Variants in PLAUR observed in about 807,000 individuals in gnomAD.
PLAUR encodes urokinase plasminogen activator surface receptor.
A neutral mutation model predicts 33.4 loss-of-function variants in PLAUR; 22 were observed. The observed-to-expected ratio is 0.66, with a 90% CI of 0.47 to 0.94. PLAUR has a LOEUF of 0.94. Among genes scored for constraint, PLAUR ranks in the 40% least tolerant of loss-of-function variants. The pLI is 0.00. For synonymous variants in PLAUR, 148 were observed against 167.3 expected (o/e 0.88, Z 0.89); for missense variants, 408 against 434.7 (o/e 0.94, Z 0.55).
At chr19:43,651,943 C>A (rs1224766657) in intron 6 of PLAUR, 3 of 1,147,138 alleles carry the variant, frequency 2.6e-6, no homozygotes, top group East Asian at 5.0e-5. Context: ...GTCTCAAACT[C>A]CTGGCCTCAA....
chr19:43,659,994 A>G (rs1568559676), intron 3 of PLAUR, among the ~76,000 whole-genome samples: 1 of 152,142 alleles, frequency 6.6e-6, no homozygotes. Context: ...CTATAATCCA[A>G]TATCTGAGTT....
chr19:43,650,379 G>A (rs1281318107), intron 6 of PLAUR, among the ~76,000 whole-genome samples: 3 of 151,020 alleles, frequency 2.0e-5, no homozygotes, highest in Non-Finnish European at 4.4e-5. Context: ...AGGCCGCAGT[G>A]CAGTGGTGCA....
In PLAUR at chr19:43,652,426, C is replaced by T. The variant is rs540860684; in HGVS notation, c.608-55G>A. 12 of 1,563,154 alleles carry T rather than the reference C, an allele frequency of 7.7e-6. No homozygotes were observed. In the African/African-American group the frequency reaches 8.1e-5, roughly 11 times the overall value. Reference sequence around the variant, plus strand: ...AAGAAAATTAGTGCTTGGATCTCCACTTCCTTGAATGACCTCCCCAGGACT... The same window carrying T: ...AAGAAAATTAGTGCTTGGATCTCCATTTCCTTGAATGACCTCCCCAGGACT... On this transcript the variant is annotated intron_variant, in intron 5 of 6. Coordinates refer to ENST00000340093, the MANE Select transcript of PLAUR (RefSeq NM_002659.4).
rs768901702 is a variant in PLAUR at position 43,667,778 on chromosome 19, C to G, written c.56-87G>C. On this transcript the variant is annotated intron_variant, in intron 1 of 6. Coordinates refer to ENST00000340093, the MANE Select transcript of PLAUR (RefSeq NM_002659.4). ...ACCCCTGCATGTCCCAATACCAACACCAAGTCTCCAGGCCCCGTCCATTCA... is the reference window on the plus strand; with the variant it reads ...ACCCCTGCATGTCCCAATACCAACAGCAAGTCTCCAGGCCCCGTCCATTCA... The G allele has an allele frequency of 2.0e-6, 3 of 1,535,524 alleles. No individual in the cohort carries two copies. The African/African-American group carries it at 4.1e-5, about 21-fold the overall frequency.
intron 6 of PLAUR, 132 bp from the exon 7 acceptor site, chr19:43,649,275 C>CATTACAGAGGAGCGCCATCA: frequency 9.7e-7 from 1 of 1,028,420 alleles, no homozygotes. Context: ...GTTCTCAGGG[C>CATTACAGAGGAGCGCCATCA]CAGGTGTGGT....
intron 3 of PLAUR, chr19:43,660,358 A>G (rs1307613380): frequency 6.7e-6 from 1 of 149,568 alleles, no homozygotes; most frequent in Non-Finnish European, 1.5e-5. Flanking sequence ...TATCTTTAGT[A>G]GAGAAGGGGT....
In PLAUR at chr19:43,665,300, G is replaced by A. The variant is rs1600141664; in HGVS notation, c.310+16C>T. 6.2e-7 allele frequency: 1 copy of A among 1,613,428 alleles called. No homozygotes were observed. Among genetic ancestry groups the A allele is most frequent in the African/African-American group, 1.3e-5 (1 of 74,948 alleles). ...GATGGCTTGGGGTTGGGGATGGCAA[G>A]GGCTGCCCTACTCACCAGAGTTGCC... On this transcript the variant is annotated intron_variant, in intron 3 of 6. Coordinates refer to ENST00000340093, the MANE Select transcript of PLAUR (RefSeq NM_002659.4).
rs4251897 is a variant in PLAUR at position 43,654,079 on chromosome 19, G to A, written c.607+1360C>T. On this transcript the variant is annotated intron_variant, in intron 5 of 6. Transcript: ENST00000340093. ...GCGGAGCTTGCAGTGAGCCAAGATC[G>A]CGCCACTGCACTCCAGCCTGGGCAA... Among the ~76,000 whole-genome samples, 932 of 150,580 alleles carry A rather than the reference G, an allele frequency of 6.2e-3. 12 individuals are homozygous for A. The highest frequency in any genetic ancestry group is 0.021 in the African/African-American group (868 of 40,946).
chr19:43,669,951 G>A, intron 1 of PLAUR, 115 bp downstream of exon 1: 3 of 936,668 alleles, frequency 3.2e-6, no homozygotes, highest in Non-Finnish European at 4.9e-6. Flanking sequence ...ACTATTATTT[G>A]ATTAGGGAGG....
rs551256106 is a variant in PLAUR, at chr19:43,656,790, G to C, written c.311-150C>G. The C allele has an allele frequency of 3.7e-5, 23 of 626,968 alleles. No individual in the cohort carries two copies. The African/African-American group carries it at 4.3e-4, about 12-fold the overall frequency. 38.8% of individuals were successfully genotyped at this position (626,968 alleles called of 1,614,324 possible). ...CTATTCTGCCTGCTGAATCTTTCTA[G>C]AATCCACCCCCTCCTTTCCAGCCCC... is the stretch of plus-strand genomic sequence containing the variant. On this transcript the variant is annotated intron_variant, in intron 3 of 6. Transcript: ENST00000340093.
chr19:43,665,424 T>C lies in PLAUR; in HGVS notation c.202A>G (p.Thr68Ala). Residue 68 changes from threonine to alanine, a missense_variant, in exon 3 of 7, where the codon ACC becomes GCC. Coordinates refer to ENST00000340093, the MANE Select transcript of PLAUR (RefSeq NM_002659.4). ...EELELVEKSC[T>A]HSEKTNRTLS... ...GTCCTGTTGGTCTTCTCTGAGTGGG[T>C]ACAGCTTTTCTCCACCAGCTCCAGC... The C allele has an allele frequency of 6.2e-7, 1 of 1,613,328 alleles. No homozygotes were observed. Among genetic ancestry groups the C allele is most frequent in the African/African-American group, 1.3e-5 (1 of 74,758 alleles).
chr19:43,653,998 C>T (rs2146213761), intron 5 of PLAUR, among the ~76,000 whole-genome samples: 1 of 152,078 alleles, frequency 6.6e-6, no homozygotes, highest in Admixed American at 6.6e-5. Context: ...GTGGTGGGTG[C>T]CTGTAGTCCC....
intron 3 of PLAUR, among the ~76,000 whole-genome samples, chr19:43,659,597 A>C (rs1031647973): frequency 1.3e-5 from 2 of 152,100 alleles, no homozygotes; most frequent in African/African-American, 2.4e-5. Context: ...CAGACACGCA[A>C]CTGTCTCTTC....
intron 6 of PLAUR, among the ~76,000 whole-genome samples, chr19:43,650,255 C>T (rs899303700): frequency 6.6e-6 from 1 of 151,718 alleles, no homozygotes; most frequent in Admixed American, 6.6e-5. Flanking sequence ...GTGATCTGCC[C>T]GCCTTGGCCT....
In PLAUR at chr19:43,652,307, G is replaced by A; in HGVS notation, c.672C>T (p.Thr224=). The A allele has an allele frequency of 1.2e-6, 2 of 1,614,096 alleles. No individual in the cohort carries two copies. The highest frequency in any genetic ancestry group is 1.7e-6 in the Non-Finnish European group (2 of 1,179,974). The part of the protein sequence containing the change: ...RQCYSCKGNS[T]HGCSSEETFL... ...AAGTCTCTTCAGAGGAGCATCCATG[G>A]GTGCTGTTCCCCTTGCAGCTGTAAC... Residue 224 remains threonine, a synonymous_variant, in exon 6 of 7, where the codon ACC becomes ACT. Coordinates refer to ENST00000340093, the MANE Select transcript of PLAUR (RefSeq NM_002659.4).
At chr19:43,655,276 CAAAA>C (rs34689348) in intron 5 of PLAUR, among the ~76,000 whole-genome samples, 159 bp downstream of exon 5, 15 of 66,198 alleles carry the variant, frequency 2.3e-4, no homozygotes, top group Admixed American at 6.6e-4. Flanking sequence ...GACTCCGTCT[CAAAA>C]AAAAAAAAAA....
Position 43,667,575 on chromosome 19 carries a change from G to T in PLAUR, c.166+6C>A. On this transcript the variant is annotated splice_donor_region_variant and intron_variant, in intron 2 of 6. Coordinates refer to ENST00000340093, the MANE Select transcript of PLAUR (RefSeq NM_002659.4). Reference sequence around the variant, plus strand: ...GGAGGGGTGTGTGGGTTGGGGGGAAGCTCACCTTCCCACAAGCGCACGATC... The same window carrying T: ...GGAGGGGTGTGTGGGTTGGGGGGAATCTCACCTTCCCACAAGCGCACGATC... 11 of 1,602,520 alleles carry T rather than the reference G, an allele frequency of 6.9e-6. No individual in the cohort carries two copies. The highest frequency in any genetic ancestry group is 9.4e-6 in the Non-Finnish European group (11 of 1,169,672).
chr19:43,667,584 C>G lies in PLAUR; in HGVS notation c.163G>C (p.Glu55Gln). ...LCRTTIVRLW[E>Q]EGEELELVEK... ...TGTGGGTTGGGGGGAAGCTCACCTT[C>G]CCACAAGCGCACGATCGTGGTCCTG... Residue 55 changes from glutamate to glutamine, a missense_variant, in exon 2 of 7, where the codon GAA becomes CAA. Physicochemically the swap from Glu to Gln is conservative, Grantham distance 29. Coordinates refer to ENST00000340093, the MANE Select transcript of PLAUR (RefSeq NM_002659.4). 1 of 1,610,718 alleles carries G rather than the reference C, an allele frequency of 6.2e-7. No individual in the cohort carries two copies. The highest frequency in any genetic ancestry group is 1.1e-5 in the South Asian group (1 of 91,004).
rs564474898 is a variant in PLAUR, at chr19:43,659,851, G to A, written c.311-3211C>T. Among the ~76,000 whole-genome samples, 8 of 152,272 alleles carry A rather than the reference G, an allele frequency of 5.3e-5. No individual in the cohort carries two copies. In the East Asian group the frequency reaches 9.7e-4, roughly 18 times the overall value. ...CTGACCTCTATCAAGCATAACTGCC[G>A]AGTTCTTCATTTGAGTCACTGTTCT... On this transcript the variant is annotated intron_variant, in intron 3 of 6. Coordinates refer to ENST00000340093, the MANE Select transcript of PLAUR (RefSeq NM_002659.4).
Sources: allele counts gnomAD v4.1 joint callset (sites outside exome capture counted in the v4.1 genomes callset), GRCh38; gene constraint gnomAD v4.1.1; transcripts MANE v1.5; gene names NCBI Gene and HGNC (gene_info 2026-07-23, HGNC 2026-07-21).